The following TXK variants were observed in gnomAD, a reference collection of about 807,000 sequenced individuals.
TXK encodes TXK tyrosine kinase.
Under a neutral mutation model 81.0 loss-of-function variants are expected in TXK, and 60 were observed. The observed-to-expected ratio is 0.74, with a 90% confidence interval of 0.60 to 0.92. The LOEUF (loss-of-function observed/expected upper bound fraction) is 0.92, where lower values mean the gene tolerates loss of function less well. Among genes scored for constraint, TXK ranks in the 40% least tolerant of loss-of-function variants. TXK has a pLI of 0.00. For synonymous variants in TXK, 203 were observed against 210.7 expected (o/e 0.96, Z 0.32); for missense variants, 581 against 638.3 (o/e 0.91, Z 0.97).
chr4:48,095,216 C>A lies in TXK; in HGVS notation c.508G>T (p.Glu170Ter), dbSNP rs1455993225. 13 of 1,611,530 alleles carry A rather than the reference C, an allele frequency of 8.1e-6. No individual in the cohort carries two copies. Among genetic ancestry groups the A allele is most frequent in the Non-Finnish European group, 1.0e-5 (12 of 1,178,678 alleles). The part of the protein sequence containing the change: ...AEHLLRQESK[E>*]GAFIVRDSRH... ...GAATCTCTGACAATAAATGCACCTT[C>A]TTTAGACTGCAAAAAAAATCATTTA... is the stretch of plus-strand genomic sequence containing the variant. The change falls in exon 7 of 15, where the codon GAA (glutamate) becomes TAA (stop). Residue 170 changes from glutamate (E) to a stop codon, truncating the protein, a stop_gained. Transcript: ENST00000264316. LOFTEE classifies it high-confidence loss of function.
intron 6 of TXK, among the ~76,000 whole-genome samples, chr4:48,101,587 T>C (rs963468112): frequency 1.3e-5 from 2 of 152,020 alleles, no homozygotes; most frequent in Non-Finnish European, 2.9e-5. Flanking sequence ...GGTGTATTTT[T>C]AAAATAAAAA....
intron 10 of TXK, among the ~76,000 whole-genome samples, chr4:48,085,855 T>A (rs1577656571): frequency 6.6e-6 from 1 of 152,254 alleles, no homozygotes; most frequent in Middle Eastern, 3.4e-3. Flanking sequence ...GCCATCTCCA[T>A]CACTCAATAA....
intron 1 of TXK, among the ~76,000 whole-genome samples, chr4:48,121,592 TAC>T (rs1161087524): frequency 2.6e-5 from 4 of 152,356 alleles, no homozygotes; most frequent in African/African-American, 9.6e-5. Flanking sequence ...TCCTCACATA[TAC>T]TTTAAATCAT....
At chr4:48,097,888 C>T (rs1451531885) in intron 6 of TXK, among the ~76,000 whole-genome samples, 2 of 151,608 alleles carry the variant, frequency 1.3e-5, no homozygotes, top group Non-Finnish European at 2.9e-5. Context: ...GCTGGGACTA[C>T]AGGCGCCCGT....
At chr4:48,074,716 T>G (rs1716997611) in intron 12 of TXK, among the ~76,000 whole-genome samples, 1 of 152,212 alleles carries the variant, frequency 6.6e-6, no homozygotes, top group Non-Finnish European at 1.5e-5. Context: ...AATAAACTTG[T>G]GCTTGTTGCC....
intron 1 of TXK, among the ~76,000 whole-genome samples, chr4:48,127,791 A>C (rs1395194174): frequency 6.6e-6 from 1 of 152,194 alleles, no homozygotes; most frequent in Non-Finnish European, 1.5e-5. Context: ...CACATCTGTC[A>C]TGGGATAGGC....
rs1718693083 is a variant in TXK at position 48,113,206 on chromosome 4, C to T, written c.174+1G>A. On this transcript the variant is annotated splice_donor_variant, in intron 3 of 14. Transcript: ENST00000264316. LOFTEE classifies it high-confidence loss of function. ...CTCTTGCCTGTCAAAATGATACTTA[C>T]TTGCTTCTTATTTGACAATTGGCTG... 1 of 1,610,272 alleles carries T rather than the reference C, an allele frequency of 6.2e-7. No individual in the cohort carries two copies. The highest frequency in any genetic ancestry group is 1.3e-5 in the African/African-American group (1 of 74,804).
At chr4:48,076,838 A>G (rs1717088586) in intron 11 of TXK, among the ~76,000 whole-genome samples, 1 of 152,170 alleles carries the variant, frequency 6.6e-6, no homozygotes, top group South Asian at 2.1e-4. Flanking sequence ...CATGCTGCCC[A>G]CGCTGGTCTT....
chr4:48,117,239 C>T (rs2109477985), intron 1 of TXK, among the ~76,000 whole-genome samples: 1 of 152,330 alleles, frequency 6.6e-6, no homozygotes, highest in East Asian at 1.9e-4. Flanking sequence ...ATTCCATTTC[C>T]CCTTTGCCAC....
intron 1 of TXK, among the ~76,000 whole-genome samples, chr4:48,120,085 AC>A (rs1718907552): frequency 6.6e-6 from 1 of 151,554 alleles, no homozygotes; most frequent in African/African-American, 2.4e-5. Flanking sequence ...ATATACACAC[AC>A]ACACACGTAC....
chr4:48,107,721 CA>C (rs113352509), intron 5 of TXK, among the ~76,000 whole-genome samples: 1 of 151,562 alleles, frequency 6.6e-6, no homozygotes, highest in Non-Finnish European at 1.5e-5. Flanking sequence ...GCCCTCGCCC[CA>C]ACCCCCGCCC....
Position 48,134,218 on chromosome 4 carries a change from G to A in TXK, c.-48C>T, listed in dbSNP as rs776111999. 3.7e-5 allele frequency: 59 copies of A among 1,605,086 alleles called. No individual in the cohort carries two copies. The highest frequency in any genetic ancestry group is 2.1e-4 in the South Asian group (19 of 88,856). ...ACACAACAGTCTTCAGTTCTTCTGC[G>A]GTGCTCTACTCACAAAAACACATCT... On this transcript the variant is annotated 5_prime_UTR_variant, in exon 1 of 15. Transcript: ENST00000264316.
chr4:48,075,371 G>A (rs192786321), intron 12 of TXK, among the ~76,000 whole-genome samples: 1 of 152,204 alleles, frequency 6.6e-6, no homozygotes, highest in East Asian at 1.9e-4. Flanking sequence ...AAAGAACGCC[G>A]GCCAGGTGAG....
intron 1 of TXK, among the ~76,000 whole-genome samples, chr4:48,120,383 G>GTA (rs1258098182): frequency 3.3e-5 from 5 of 150,048 alleles, no homozygotes; most frequent in Admixed American, 6.7e-5. Flanking sequence ...ACATATATAC[G>GTA]TATATATATG....
At chr4:48,067,810 C>A in intron 14 of TXK, 105 bp from the exon 15 acceptor site, 1 of 1,084,136 alleles carries the variant, frequency 9.2e-7, no homozygotes, top group South Asian at 1.4e-5. Context: ...TCCCACTGCT[C>A]GAGGTCATCG....
chr4:48,126,827 T>C (rs1719101260), intron 1 of TXK, among the ~76,000 whole-genome samples: 1 of 152,088 alleles, frequency 6.6e-6, no homozygotes, highest in Non-Finnish European at 1.5e-5. Context: ...GAAAGAGAAA[T>C]TGCTGTTATC....
intron 1 of TXK, among the ~76,000 whole-genome samples, chr4:48,121,777 G>A (rs1718969910): frequency 6.6e-6 from 1 of 152,006 alleles, no homozygotes; most frequent in South Asian, 2.1e-4. Flanking sequence ...ACCCAGCAAT[G>A]TGGAACCTGT....
At chr4:48,121,698 T>C (rs777413228) in intron 1 of TXK, among the ~76,000 whole-genome samples, 6 of 152,184 alleles carry the variant, frequency 3.9e-5, no homozygotes, top group Non-Finnish European at 7.3e-5. Flanking sequence ...GAAAAAAATG[T>C]CTGTACATGT....
Position 48,086,562 on chromosome 4 carries a change from A to T in TXK, c.860T>A (p.Leu287Ter), listed in dbSNP as rs757840542. The change falls in exon 10 of 15, where the codon TTA becomes TAA. Residue 287 changes from leucine to a stop codon, truncating the protein, a stop_gained. Coordinates refer to ENST00000264316, the MANE Select transcript of TXK (RefSeq NM_003328.3). LOFTEE classifies it high-confidence loss of function. ...IGSGQFGVVH[L>*]GEWRSHIQVA... ...CTGGATATGTGACCGCCATTCACCTAAATGGACCACTCCAAACTGACCGCT... is the reference window on the plus strand; with the variant it reads ...CTGGATATGTGACCGCCATTCACCTTAATGGACCACTCCAAACTGACCGCT... The T allele has an allele frequency of 2.0e-5, 32 of 1,613,958 alleles. 1 individual carries two copies. The highest frequency in any genetic ancestry group is 2.4e-5 in the Non-Finnish European group (28 of 1,179,940).
Sources: allele counts gnomAD v4.1 joint callset (sites outside exome capture counted in the v4.1 genomes callset), GRCh38; gene constraint gnomAD v4.1.1; transcripts MANE v1.5; gene names NCBI Gene and HGNC (gene_info 2026-07-23, HGNC 2026-07-21).